XIRP2: variants seen among roughly 807,000 people sequenced by gnomAD.
XIRP2 encodes the protein xin actin-binding repeat-containing protein 2.
In XIRP2, 236 loss-of-function variants were observed where a neutral mutation model predicts 277.0. That is an observed-to-expected ratio of 0.85 (90% CI 0.77 to 0.95). XIRP2 has a LOEUF of 0.95. Ranked by LOEUF, XIRP2 falls within the 40% of genes least tolerant of loss-of-function variation. The pLI, the probability that XIRP2 is intolerant of heterozygous loss-of-function variation, is 0.00. For missense variants in XIRP2, 4,640 were observed against 4,157.5 expected, an observed-to-expected ratio of 1.12 and a Z score of -3.19; for synonymous variants, 1,490 against 1,416.5, an observed-to-expected ratio of 1.05 and a Z score of -1.17.
intron 2 of XIRP2, among the ~76,000 whole-genome samples, chr2:166,975,588 G>A (rs1028075414): frequency 6.6e-6 from 1 of 152,098 alleles, no homozygotes; most frequent in Non-Finnish European, 1.5e-5. Flanking sequence ...TTATATGAAT[G>A]TCCTACATTC....
chr2:166,915,907 A>G (rs1476067326), intron 2 of XIRP2, among the ~76,000 whole-genome samples: 1 of 152,204 alleles, frequency 6.6e-6, no homozygotes, highest in African/African-American at 2.4e-5. Flanking sequence ...GCTGAACTGT[A>G]TCAAAAATAG....
In XIRP2 at chr2:167,214,071, AAAGG is replaced by A. The variant is rs1385083673; in HGVS notation, c.723+3188_723+3191del. Among the ~76,000 whole-genome samples the A allele has an allele frequency of 2.2e-5, 3 of 133,428 alleles. No homozygotes were observed. In the East Asian group the frequency reaches 6.5e-4, roughly 29 times the overall value. The allele number at this position is 133,428 out of a possible 152,430, so 87.5% of individuals were successfully genotyped here. ...CCATGTCTACTAAAATACAAAATAG[AAAGG>A]AAGGAAGGAAGAAAGAAAGAAGGAA... On this transcript the variant is annotated intron_variant, in intron 4 of 10. Transcript: ENST00000409195.
intron 2 of XIRP2, among the ~76,000 whole-genome samples, chr2:167,024,279 C>T (rs1006059280): frequency 3.1e-4 from 47 of 152,134 alleles, no homozygotes; most frequent in African/African-American, 1.1e-3. Context: ...TATAAGAATG[C>T]TTGTGATTTT....
intron 2 of XIRP2, among the ~76,000 whole-genome samples, chr2:166,985,119 A>T (rs575477988): frequency 6.6e-6 from 1 of 152,312 alleles, no homozygotes; most frequent in Non-Finnish European, 1.5e-5. Flanking sequence ...GTCCATAATA[A>T]AAACAGTGGT....
chr2:167,163,245 T>C (rs1692422250), intron 3 of XIRP2, among the ~76,000 whole-genome samples: 1 of 152,192 alleles, frequency 6.6e-6, no homozygotes, highest in African/African-American at 2.4e-5. Flanking sequence ...ACCATCAAAC[T>C]GTTTTCCATA....
At chr2:167,014,783 C>T (rs1027806539) in intron 2 of XIRP2, among the ~76,000 whole-genome samples, 2 of 151,670 alleles carry the variant, frequency 1.3e-5, no homozygotes, top group Non-Finnish European at 2.9e-5. Flanking sequence ...ATTTCCTGTG[C>T]CAAATGTTAA....
intron 9 of XIRP2, among the ~76,000 whole-genome samples, chr2:167,252,544 T>C (rs1695544853): frequency 6.6e-6 from 1 of 151,952 alleles, no homozygotes; most frequent in South Asian, 2.1e-4. Flanking sequence ...TTTTTTTCGC[T>C]TTTCTAAAAA....
intron 2 of XIRP2, among the ~76,000 whole-genome samples, chr2:167,063,591 C>T (rs1017328757): frequency 8.6e-5 from 13 of 151,722 alleles, no homozygotes; most frequent in Non-Finnish European, 1.3e-4. Flanking sequence ...TTTCACTTCA[C>T]GTATTTTGAA....
At chr2:167,158,409 TA>T (rs1692265934) in intron 3 of XIRP2, among the ~76,000 whole-genome samples, 1 of 152,178 alleles carries the variant, frequency 6.6e-6, no homozygotes, top group African/African-American at 2.4e-5. Flanking sequence ...CACATGGACT[TA>T]AATACAAAAG....
intron 2 of XIRP2, among the ~76,000 whole-genome samples, chr2:167,109,041 G>A (rs904429574): frequency 6.6e-6 from 1 of 151,624 alleles, no homozygotes; most frequent in Non-Finnish European, 1.5e-5. Flanking sequence ...CCTCAAGTAG[G>A]CCCCAGTGTC....
In XIRP2 at chr2:167,250,829, A is replaced by G. The variant is rs772998660; in HGVS notation, c.9437A>G (p.Lys3146Arg). ...PTKNELSQSP[K>R]KDSYVEPPPR... is the part of the protein sequence containing the mutation. ...AAGAACGAGCTTTCTCAGTCCCCTAAAAAGGACAGTTATGTTGAACCCCCA... is the reference window on the plus strand; with the variant it reads ...AAGAACGAGCTTTCTCAGTCCCCTAGAAAGGACAGTTATGTTGAACCCCCA... Residue 3146 changes from lysine (K) to arginine (R), a missense_variant, in exon 9 of 11, where the codon AAA becomes AGA. Physicochemically the swap from Lys to Arg is conservative, Grantham distance 26. Coordinates refer to ENST00000409195, the MANE Select transcript of XIRP2 (RefSeq NM_152381.6). The G allele has an allele frequency of 1.2e-6, 2 of 1,613,476 alleles. No individual in the cohort carries two copies. The highest frequency in any genetic ancestry group is 3.3e-5 in the Admixed American group (2 of 59,958).
intron 5 of XIRP2, among the ~76,000 whole-genome samples, chr2:167,222,066 G>T (rs1694450508): frequency 1.3e-5 from 2 of 152,120 alleles, no homozygotes; most frequent in Admixed American, 6.6e-5. Context: ...AACAAATTTT[G>T]ATAATTAATC....
At chr2:167,094,100 C>T (rs568355756) in intron 2 of XIRP2, among the ~76,000 whole-genome samples, 2 of 152,264 alleles carry the variant, frequency 1.3e-5, no homozygotes, top group African/African-American at 4.8e-5. Flanking sequence ...TATGTGTTGG[C>T]CACATAAATG....
intron 2 of XIRP2, among the ~76,000 whole-genome samples, chr2:166,915,453 ACTT>A (rs1684844276): frequency 6.6e-6 from 1 of 152,212 alleles, no homozygotes; most frequent in African/African-American, 2.4e-5. Context: ...AATAAAATGA[ACTT>A]AACTCTGGTT....
intron 2 of XIRP2, among the ~76,000 whole-genome samples, chr2:167,099,425 G>A (rs576197679): frequency 6.6e-6 from 1 of 152,316 alleles, no homozygotes; most frequent in Admixed American, 6.5e-5. Context: ...TTTCAAGACA[G>A]TGCATCTTAA....
At chr2:167,234,039 G>T (rs1489878778) in intron 5 of XIRP2, among the ~76,000 whole-genome samples, 1 of 151,488 alleles carries the variant, frequency 6.6e-6, no homozygotes, top group Non-Finnish European at 1.5e-5. Flanking sequence ...TGAATCTTCA[G>T]AATTTTGGGC....
intron 2 of XIRP2, among the ~76,000 whole-genome samples, chr2:167,102,549 C>T (rs951632676): frequency 1.3e-5 from 2 of 152,114 alleles, no homozygotes; most frequent in African/African-American, 4.8e-5. Context: ...ATATCTTACC[C>T]TAGATGTAAT....
intron 2 of XIRP2, among the ~76,000 whole-genome samples, chr2:166,973,850 A>T (rs563671933): frequency 6.6e-6 from 1 of 152,358 alleles, no homozygotes; most frequent in Admixed American, 6.5e-5. Flanking sequence ...TAGATAGATG[A>T]TTCCATTAAT....
At chr2:167,060,905 G>T (rs1689157961) in intron 2 of XIRP2, among the ~76,000 whole-genome samples, 1 of 151,964 alleles carries the variant, frequency 6.6e-6, no homozygotes, top group Non-Finnish European at 1.5e-5. Flanking sequence ...AATTCCTATA[G>T]AAAACTTGAA....
Sources: gnomAD v4.1 joint callset for allele counts (sites outside exome capture counted in the v4.1 genomes callset) on GRCh38, gnomAD v4.1.1 for gene constraint, MANE v1.5 for transcripts, NCBI Gene and HGNC (gene_info 2026-07-23, HGNC 2026-07-21) for gene names.